The following SCN3B variants were observed in gnomAD, a reference collection of about 807,000 sequenced individuals.
SCN3B encodes the protein sodium channel regulatory subunit beta-3.
SCN3B carries 11 observed loss-of-function variants against 25.4 expected under a neutral mutation model. The ratio of observed to expected loss-of-function variants is 0.43; its 90% CI spans 0.27 to 0.72. SCN3B has a LOEUF of 0.72. Among genes scored for constraint, SCN3B ranks in the 30% least tolerant of loss-of-function variants. The pLI, the probability that SCN3B is intolerant of heterozygous loss-of-function variation, is 0.18. For synonymous variants in SCN3B, 109 were observed against 110.7 expected (o/e 0.99, Z 0.09); for missense variants, 218 against 278.3 (o/e 0.78, Z 1.54).
In SCN3B at chr11:123,631,007, T is replaced by C. The variant is rs1386523379; in HGVS notation, c.*2792A>G. 1.3e-5 allele frequency: 2 copies of C among 152,226 alleles called. No individual in the cohort carries two copies. The highest frequency in any genetic ancestry group is 2.9e-5 in the Non-Finnish European group (2 of 68,040). The allele number at this position is 152,226 out of a possible 1,614,324, so 9.4% of individuals were successfully genotyped here. On this transcript the variant is annotated 3_prime_UTR_variant, in exon 7 of 7. Transcript: ENST00000299333. ...CCTCAGAGACCCTCAGTTTCTTCTTTTGTAATGTGACCTCACAGGACCAGT... is the reference window on the plus strand; with the variant it reads ...CCTCAGAGACCCTCAGTTTCTTCTTCTGTAATGTGACCTCACAGGACCAGT...
Position 123,642,302 on chromosome 11 carries a change from C to G in SCN3B, c.445+144G>C. Reference sequence around the variant, plus strand: ...AGCTGGCCACCAGAAGAAGATGGGTCAATGGTGACATTTTTAGATGTCACC... The same window carrying G: ...AGCTGGCCACCAGAAGAAGATGGGTGAATGGTGACATTTTTAGATGTCACC... On this transcript the variant is annotated intron_variant, in intron 4 of 6. Transcript: ENST00000299333. The surrounding 1 kb of genome is among the most constrained non-coding windows in gnomAD (Gnocchi z 4.3). The G allele has an allele frequency of 1.3e-6, 1 of 781,558 alleles. No individual in the cohort carries two copies. The highest frequency in any genetic ancestry group is 2.2e-6 in the Non-Finnish European group (1 of 456,188). The allele number at this position is 781,558 out of a possible 1,614,324, so 48.4% of individuals were successfully genotyped here.
At chr11:123,652,295 G>A (rs935527879) in intron 2 of SCN3B, among the ~76,000 whole-genome samples, 3 of 152,166 alleles carry the variant, frequency 2.0e-5, no homozygotes, top group Non-Finnish European at 4.4e-5. Flanking sequence ...ACATATTATA[G>A]CTGCTCCATC....
chr11:123,648,616 A>T (rs1302479369), intron 2 of SCN3B, among the ~76,000 whole-genome samples: 1 of 150,910 alleles, frequency 6.6e-6, no homozygotes, highest in Non-Finnish European at 1.5e-5. Context: ...AACAGGAGAG[A>T]GTGTGTGCAC....
In SCN3B at chr11:123,645,585, A is replaced by G. The variant is rs750105827; in HGVS notation, c.219+2T>C. The G allele has an allele frequency of 6.2e-7, 1 of 1,614,152 alleles. No homozygotes were observed. Among genetic ancestry groups the G allele is most frequent in the Non-Finnish European group, 8.5e-7 (1 of 1,180,002 alleles). ...AAGGCCAGAGTCAGCAGTCTAACAT[A>G]CAAGGAAATCTTTACCGCCCTCGGG... is the stretch of plus-strand genomic sequence containing the variant. On this transcript the variant is annotated splice_donor_variant, in intron 3 of 6. Coordinates refer to ENST00000299333, the MANE Select transcript of SCN3B (RefSeq NM_001040151.2). LOFTEE classifies it high-confidence loss of function.
rs1479370818 is a variant in SCN3B, at chr11:123,648,323, A to T, written c.56-2573T>A. 3.3e-5 allele frequency among the ~76,000 whole-genome samples: 5 copies of T among 152,238 alleles called. No homozygotes were observed. In the East Asian group the frequency reaches 9.6e-4, roughly 29 times the overall value. On this transcript the variant is annotated intron_variant, in intron 2 of 6. Coordinates refer to ENST00000299333, the MANE Select transcript of SCN3B (RefSeq NM_001040151.2). The stretch of plus-strand genomic sequence containing the variant: ...CTCTGGACTCAGTTTATTCATCGAC[A>T]TCATGCTGAAAGTTACATCTGTCTA...
chr11:123,638,181 C>T lies in SCN3B; in HGVS notation c.584+5G>A. The T allele has an allele frequency of 6.2e-7, 1 of 1,614,044 alleles. No individual in the cohort carries two copies. Reference sequence around the variant, plus strand: ...TCATTATTACTTTGGCATCTCTGGACTTACGCGTTTTCTTGGGCTGCCTCT... The same window carrying T: ...TCATTATTACTTTGGCATCTCTGGATTTACGCGTTTTCTTGGGCTGCCTCT... On this transcript the variant is annotated splice_donor_5th_base_variant and intron_variant, in intron 5 of 6. Transcript: ENST00000299333.
intron 2 of SCN3B, among the ~76,000 whole-genome samples, chr11:123,650,340 C>T (rs1388221931): frequency 6.6e-6 from 1 of 152,122 alleles, no homozygotes; most frequent in East Asian, 1.9e-4. Context: ...CCTGAGATTG[C>T]TCTAGAATGC....
At chr11:123,633,912 C>T in intron 6 of SCN3B, 136 bp from the exon 7 acceptor site, 1 of 517,648 alleles carries the variant, frequency 1.9e-6, no homozygotes, top group Non-Finnish European at 3.6e-6. Context: ...ATTGCCTCGA[C>T]ACTCAGGTCA....
At position 123,634,498 on chromosome 11, in the gene SCN3B, T is replaced by C. The variant is rs532060334; in HGVS notation, c.585-292A>G. 3.5e-4 allele frequency among the ~76,000 whole-genome samples: 53 copies of C among 152,342 alleles called. No individual in the cohort carries two copies. The Middle Eastern group carries it at 0.01, about 29-fold the overall frequency. On this transcript the variant is annotated intron_variant, in intron 5 of 6. Coordinates refer to ENST00000299333, the MANE Select transcript of SCN3B (RefSeq NM_001040151.2). ...GCTCATGCCTCTAATCCCAGCACTT[T>C]GGGAGGCCAAGGCAGGAAAATTGCT...
rs1955959802 is a variant in SCN3B at position 123,653,770 on chromosome 11, G to A, written c.32C>T (p.Ala11Val). 2 of 1,614,122 alleles carry A rather than the reference G, an allele frequency of 1.2e-6. No individual in the cohort carries two copies. Among genetic ancestry groups the A allele is most frequent in the Non-Finnish European group, 1.7e-6 (2 of 1,180,048 alleles). The stretch of plus-strand genomic sequence containing the variant: ...ACCCCAGTAGATAAGCACGAGAGAA[G>A]CCAGGGGAAACAATCTATTGAAGGC... MPAFNRLFPL[A>V]SLVLIYWVSV... Residue 11 changes from alanine to valine, a missense_variant, in exon 2 of 7, where the codon GCT becomes GTT. Transcript: ENST00000299333.
chr11:123,634,664 C>G (rs1046268100), intron 5 of SCN3B, among the ~76,000 whole-genome samples: 3 of 152,174 alleles, frequency 2.0e-5, no homozygotes, highest in Admixed American at 2.0e-4. Context: ...ATCACCTGAG[C>G]CTGGGAGGTC....
chr11:123,644,339 G>A (rs972942550), intron 3 of SCN3B, among the ~76,000 whole-genome samples: 4 of 152,158 alleles, frequency 2.6e-5, no homozygotes, highest in East Asian at 3.8e-4. Flanking sequence ...TGAGGAAACC[G>A]AGGCACAGAA....
chr11:123,645,184 G>T (rs1020213802), intron 3 of SCN3B, among the ~76,000 whole-genome samples: 14 of 152,282 alleles, frequency 9.2e-5, no homozygotes, highest in African/African-American at 2.6e-4. Context: ...GACTGCAGGA[G>T]TTAAAGGAGC....
chr11:123,638,397 T>C lies in SCN3B; in HGVS notation c.446-73A>G, dbSNP rs1013690509. Reference sequence around the variant, plus strand: ...AGAGCCGTCATTGGAGCCATATTTTTAAGTACAGCTTAAATAAAGACTGAG... The same window carrying C: ...AGAGCCGTCATTGGAGCCATATTTTCAAGTACAGCTTAAATAAAGACTGAG... On this transcript the variant is annotated intron_variant, in intron 4 of 6. Coordinates refer to ENST00000299333, the MANE Select transcript of SCN3B (RefSeq NM_001040151.2). The C allele has an allele frequency of 9.5e-6, 15 of 1,586,050 alleles. No individual in the cohort carries two copies. In the Admixed American group the frequency reaches 2.5e-4, roughly 27 times the overall value.
At chr11:123,638,978 A>G (rs1005033223) in intron 4 of SCN3B, 2 of 162,846 alleles carry the variant, frequency 1.2e-5, no homozygotes, top group African/African-American at 4.8e-5. Context: ...TAGTGTATCA[A>G]CCGCATTGTC....
intron 2 of SCN3B, among the ~76,000 whole-genome samples, chr11:123,646,154 C>T (rs1213005318): frequency 6.6e-6 from 1 of 152,192 alleles, no homozygotes; most frequent in Non-Finnish European, 1.5e-5. Context: ...AGGTCTGATG[C>T]TAGACTAGAG....
chr11:123,644,800 A>AGAGAGAGAGAGAGAGAGAGAATATAT (rs1272015067), intron 3 of SCN3B, among the ~76,000 whole-genome samples: 1 of 45,578 alleles, frequency 2.2e-5, no homozygotes, highest in African/African-American at 7.8e-5. Context: ...AGAGAGAGAG[A>AGAGAGAGAGAGAGAGAGAGAATATAT]ATATATATAT....
At chr11:123,645,063 C>T (rs1173718767) in intron 3 of SCN3B, among the ~76,000 whole-genome samples, 5 of 151,776 alleles carry the variant, frequency 3.3e-5, no homozygotes, top group African/African-American at 7.3e-5. Context: ...CAAGTATCCA[C>T]GAGAGAACTG....
chr11:123,639,890 A>G (rs530848481), intron 4 of SCN3B: 1 of 152,362 alleles, frequency 6.6e-6, no homozygotes, highest in South Asian at 2.1e-4. Flanking sequence ...AAGGACCATT[A>G]AAACATACTA....
Sources: allele counts gnomAD v4.1 joint callset (sites outside exome capture counted in the v4.1 genomes callset), GRCh38; gene constraint gnomAD v4.1.1; non-coding constraint Gnocchi (gnomAD v3.1); transcripts MANE v1.5; gene names NCBI Gene and HGNC (gene_info 2026-07-23, HGNC 2026-07-21).